MACROD2: variants seen among roughly 807,000 people sequenced by gnomAD.
The protein encoded by MACROD2 is mono-ADP ribosylhydrolase 2.
Under a neutral mutation model 70.4 loss-of-function variants are expected in MACROD2, and 36 were observed. The observed-to-expected ratio is 0.51, with a 90% CI of 0.39 to 0.68. MACROD2 has a LOEUF of 0.68. Ranked by LOEUF, MACROD2 falls within the 30% of genes least tolerant of loss-of-function variation. The probability of loss-of-function intolerance (pLI) is 0.00; values close to 1 mark genes in which losing one functional copy is unlikely to be tolerated. For synonymous variants in MACROD2, 172 were observed against 178.8 expected (o/e 0.96, Z 0.30); for missense variants, 496 against 538.4 (o/e 0.92, Z 0.78).
intron 6 of MACROD2, among the ~76,000 whole-genome samples, chr20:15,250,220 A>C (rs966869347): frequency 6.6e-6 from 1 of 152,130 alleles, no homozygotes; most frequent in East Asian, 1.9e-4. Context: ...CTTAAGGTGC[A>C]CTTCTGCTAG....
chr20:15,636,284 A>G (rs547659617), intron 8 of MACROD2, among the ~76,000 whole-genome samples: 3 of 152,256 alleles, frequency 2.0e-5, no homozygotes, highest in South Asian at 2.1e-4. Context: ...TGACAAAAGA[A>G]CACATTCTAG....
intron 9 of MACROD2, among the ~76,000 whole-genome samples, chr20:15,877,120 C>T (rs1232977476): frequency 1.3e-5 from 2 of 152,140 alleles, no homozygotes; most frequent in Non-Finnish European, 2.9e-5. Context: ...TTTATCCTGG[C>T]GACTGCTCTG....
chr20:15,969,624 T>A (rs974685442), intron 13 of MACROD2, among the ~76,000 whole-genome samples: 3 of 152,014 alleles, frequency 2.0e-5, no homozygotes, highest in African/African-American at 7.3e-5. Context: ...AGAAGTTAGG[T>A]CAGAATATAT....
intron 5 of MACROD2, among the ~76,000 whole-genome samples, chr20:14,928,828 A>G (rs961728344): frequency 1.3e-5 from 2 of 152,222 alleles, no homozygotes; most frequent in Non-Finnish European, 2.9e-5. Flanking sequence ...AATTTGAAGT[A>G]TATGCAATAA....
chr20:14,319,151 C>G (rs920576342), intron 3 of MACROD2, among the ~76,000 whole-genome samples: 3 of 152,184 alleles, frequency 2.0e-5, no homozygotes, highest in Non-Finnish European at 4.4e-5. Flanking sequence ...TCTTCTCCAT[C>G]CTCTTCATCT....
chr20:14,549,229 C>A (rs1879960215), intron 4 of MACROD2, among the ~76,000 whole-genome samples: 1 of 152,046 alleles, frequency 6.6e-6, no homozygotes, highest in Admixed American at 6.6e-5. Flanking sequence ...ATAGGCTGGG[C>A]TAGAATCTAT....
intron 5 of MACROD2, chr20:14,884,127 G>A (rs2122478250): frequency 6.6e-6 from 1 of 152,196 alleles, no homozygotes. Context: ...GAATAATTAG[G>A]CAACCACAAC....
intron 6 of MACROD2, among the ~76,000 whole-genome samples, chr20:15,350,737 T>C (rs73104923): frequency 6.6e-6 from 1 of 152,288 alleles, no homozygotes; most frequent in Non-Finnish European, 1.5e-5. Context: ...AAAAATGGTA[T>C]TCTAGGAATT....
At chr20:14,174,309 C>T (rs1350946393) in intron 3 of MACROD2, among the ~76,000 whole-genome samples, 1 of 152,092 alleles carries the variant, frequency 6.6e-6, no homozygotes. Context: ...TTAGACATGT[C>T]TGATCTCAGA....
chr20:15,654,055 G>T (rs899582925), intron 8 of MACROD2, among the ~76,000 whole-genome samples: 1 of 152,118 alleles, frequency 6.6e-6, no homozygotes, highest in Non-Finnish European at 1.5e-5. Context: ...GTTACCTTGC[G>T]CTTTTCATGG....
At chr20:15,820,755 C>T (rs1291654683) in intron 8 of MACROD2, among the ~76,000 whole-genome samples, 2 of 152,154 alleles carry the variant, frequency 1.3e-5, no homozygotes, top group African/African-American at 4.8e-5. Context: ...TATAGTTTCT[C>T]CCATTGTCTT....
intron 7 of MACROD2, among the ~76,000 whole-genome samples, chr20:15,498,999 A>T (rs1176313769): frequency 6.6e-6 from 1 of 152,152 alleles, no homozygotes; most frequent in African/African-American, 2.4e-5. Context: ...CTGCTCTGTA[A>T]ATATATACAT....
chr20:14,183,186 C>T (rs2081318441), intron 3 of MACROD2, among the ~76,000 whole-genome samples: 2 of 151,574 alleles, frequency 1.3e-5, no homozygotes, highest in Admixed American at 6.6e-5. Flanking sequence ...CTTCCACTCT[C>T]CTCCTTCTGA....
chr20:14,158,598 TA>T (rs1569183949), intron 3 of MACROD2, among the ~76,000 whole-genome samples: 1 of 151,980 alleles, frequency 6.6e-6, no homozygotes, highest in South Asian at 2.1e-4. Flanking sequence ...TGGTAAGAGA[TA>T]GGGGTCCAGT....
intron 17 of MACROD2, among the ~76,000 whole-genome samples, chr20:16,047,361 G>A (rs1201926873): frequency 2.0e-5 from 3 of 152,156 alleles, no homozygotes; most frequent in Non-Finnish European, 4.4e-5. Flanking sequence ...ATAGCATAAG[G>A]ATACAACAGG....
chr20:14,873,426 C>T (rs1356416067), intron 5 of MACROD2, among the ~76,000 whole-genome samples: 1 of 152,046 alleles, frequency 6.6e-6, no homozygotes, highest in African/African-American at 2.4e-5. Context: ...ATCTTTGAGG[C>T]TCTGTGTAGG....
chr20:14,641,061 T>C (rs2123490992), intron 4 of MACROD2, among the ~76,000 whole-genome samples: 1 of 152,370 alleles, frequency 6.6e-6, no homozygotes, highest in Non-Finnish European at 1.5e-5. Flanking sequence ...TTTGTATCAG[T>C]CCTCTCAAAC....
At chr20:15,850,000 G>T (rs867712346) in intron 8 of MACROD2, among the ~76,000 whole-genome samples, 1 of 152,182 alleles carries the variant, frequency 6.6e-6, no homozygotes, top group East Asian at 1.9e-4. Flanking sequence ...GCAGCAGCCC[G>T]TACCTTATCG....
intron 4 of MACROD2, among the ~76,000 whole-genome samples, chr20:14,508,061 G>C (rs1284100322): frequency 1.3e-5 from 2 of 152,092 alleles, no homozygotes; most frequent in Non-Finnish European, 2.9e-5. Flanking sequence ...GATTTGAAAG[G>C]CTTTCACATG....
Sources: gnomAD v4.1 joint callset for allele counts (sites outside exome capture counted in the v4.1 genomes callset) on GRCh38, gnomAD v4.1.1 for gene constraint, MANE v1.5 for transcripts, NCBI Gene and HGNC (gene_info 2026-07-23, HGNC 2026-07-21) for gene names.